SLC4A4: variants seen among roughly 807,000 people sequenced by gnomAD.
SLC4A4 encodes the protein solute carrier family 4 member 4, also known as electrogenic sodium bicarbonate cotransporter 1.
SLC4A4 carries 27 observed loss-of-function variants against 111.5 expected under a neutral mutation model. The ratio of observed to expected loss-of-function variants is 0.24; its 90% CI spans 0.18 to 0.33. The LOEUF (loss-of-function observed/expected upper bound fraction) is 0.33. Ranked by LOEUF, SLC4A4 falls within the 10% of genes least tolerant of loss-of-function variation. The probability of loss-of-function intolerance (pLI) is 1.00; values close to 1 mark genes in which losing one functional copy is unlikely to be tolerated. For synonymous variants in SLC4A4, 443 were observed against 463.4 expected (o/e 0.96, Z 0.57); for missense variants, 909 against 1,315.5 (o/e 0.69, Z 4.78).
At chr4:71,279,135 A>T (rs973428644) in intron 3 of SLC4A4, among the ~76,000 whole-genome samples, 1 of 152,184 alleles carries the variant, frequency 6.6e-6, no homozygotes, top group Non-Finnish European at 1.5e-5. Context: ...ACAATAAATT[A>T]TTATTAACTA....
At chr4:71,220,216 C>T (rs1032969654) in intron 1 of SLC4A4, among the ~76,000 whole-genome samples, 6 of 152,172 alleles carry the variant, frequency 3.9e-5, no homozygotes, top group African/African-American at 1.2e-4. Flanking sequence ...AGACCTTCCA[C>T]TAGCAAAAAA....
chr4:71,485,569 A>T (rs1435518556), intron 14 of SLC4A4, among the ~76,000 whole-genome samples: 1 of 95,350 alleles, frequency 1.0e-5, no homozygotes, highest in Non-Finnish European at 3.2e-5. Flanking sequence ...CAGAATAAGA[A>T]CACAGATAAT....
At chr4:71,471,665 T>C (rs1013901109) in intron 13 of SLC4A4, among the ~76,000 whole-genome samples, 1 of 151,946 alleles carries the variant, frequency 6.6e-6, no homozygotes, top group Admixed American at 6.6e-5. Context: ...TAAAAAATCA[T>C]TGTAAAGCAC....
chr4:71,439,051 C>A (rs57991067), intron 7 of SLC4A4, among the ~76,000 whole-genome samples: 1,636 of 151,768 alleles, frequency 0.011, 34 homozygotes, highest in African/African-American at 0.036. Context: ...CCTCCCCTAG[C>A]TTCCCCATTT....
rs577489706 is a variant in SLC4A4 at position 71,530,842 on chromosome 4, C to T, written c.2167-1220C>T. On this transcript the variant is annotated intron_variant, in intron 16 of 25. Coordinates refer to ENST00000264485, the MANE Select transcript of SLC4A4 (RefSeq NM_001098484.3). ...TCAAGAAATCCTTTGTCTTCAGAGG[C>T]GTGCATCCACTCAGCCCATCACTGA... 3.9e-3 allele frequency among the ~76,000 whole-genome samples: 593 copies of T among 152,212 alleles called. 4 individuals are homozygous for T. Among genetic ancestry groups the T allele is most frequent in the African/African-American group, 0.014 (564 of 41,552 alleles).
intron 4 of SLC4A4, among the ~76,000 whole-genome samples, chr4:71,343,708 AC>A (rs1251057115): frequency 6.6e-6 from 1 of 152,142 alleles, no homozygotes; most frequent in Admixed American, 6.5e-5. Context: ...ATCATTTCTC[AC>A]TGAGATTGCT....
chr4:71,255,919 G>T (rs1721417783), intron 3 of SLC4A4, among the ~76,000 whole-genome samples: 1 of 152,164 alleles, frequency 6.6e-6, no homozygotes. Context: ...TCTGTAGAGT[G>T]ACACAGTTGT....
At chr4:71,397,975 A>G (rs1439744453) in intron 7 of SLC4A4, among the ~76,000 whole-genome samples, 2 of 152,178 alleles carry the variant, frequency 1.3e-5, no homozygotes, top group East Asian at 3.9e-4. Context: ...TTATGAAAAA[A>G]ATACTTTGGT....
At position 71,532,047 on chromosome 4, in the gene SLC4A4, T is replaced by C. The variant is rs549889475; in HGVS notation, c.2167-15T>C. ...TGGTGCTAAATGGTTCCTGGTTTCT[T>C]TTTTATTTTTCCAGGCAAGAAAACT... On this transcript the variant is annotated splice_polypyrimidine_tract_variant and intron_variant, in intron 16 of 25. Coordinates refer to ENST00000264485, the MANE Select transcript of SLC4A4 (RefSeq NM_001098484.3). 2.0e-6 allele frequency: 3 copies of C among 1,537,996 alleles called. No individual in the cohort carries two copies. In the South Asian group the frequency reaches 3.4e-5, roughly 17 times the overall value.
intron 7 of SLC4A4, among the ~76,000 whole-genome samples, chr4:71,417,022 C>T (rs1053398487): frequency 3.9e-5 from 6 of 152,110 alleles, no homozygotes; most frequent in Admixed American, 1.3e-4. Context: ...TCGACTACCA[C>T]GAGATGGAGC....
chr4:71,187,184 C>A (rs1245934656), upstream of SLC4A4: 1 of 152,012 alleles, frequency 6.6e-6, no homozygotes, highest in Non-Finnish European at 1.5e-5. Flanking sequence ...GCGCAGACAA[C>A]TTCCCGCGGC....
chr4:71,100,768 T>C (rs191665012), intron 2 of SLC4A4, among the ~76,000 whole-genome samples: 1 of 152,200 alleles, frequency 6.6e-6, no homozygotes, highest in Non-Finnish European at 1.5e-5. Flanking sequence ...ACAAAATCAA[T>C]GTACAAAAAT....
chr4:71,413,334 T>C (rs759166290), intron 7 of SLC4A4, among the ~76,000 whole-genome samples: 3 of 152,222 alleles, frequency 2.0e-5, no homozygotes, highest in East Asian at 1.9e-4. Flanking sequence ...GCTTATAGTA[T>C]TGAATTCTTA....
At chr4:71,460,520 C>A (rs917709246) in intron 12 of SLC4A4, among the ~76,000 whole-genome samples, 1 of 152,074 alleles carries the variant, frequency 6.6e-6, no homozygotes, top group Admixed American at 6.6e-5. Context: ...TCATTTCCTG[C>A]TGGGCATTGT....
At chr4:71,226,853 GATTA>G (rs1266656462) in intron 1 of SLC4A4, among the ~76,000 whole-genome samples, 3 of 151,986 alleles carry the variant, frequency 2.0e-5, no homozygotes, top group African/African-American at 7.2e-5. Context: ...TGAATCAATT[GATTA>G]ATTGATTCAT....
intron 2 of SLC4A4, among the ~76,000 whole-genome samples, chr4:71,178,481 A>G (rs1217053246): frequency 6.6e-6 from 1 of 152,176 alleles, no homozygotes; most frequent in Non-Finnish European, 1.5e-5. Flanking sequence ...AGAAGAAAAG[A>G]GAGAAGAATC....
intron 2 of SLC4A4, among the ~76,000 whole-genome samples, chr4:71,239,903 A>G (rs1393072888): frequency 6.6e-6 from 1 of 152,128 alleles, no homozygotes; most frequent in East Asian, 1.9e-4. Flanking sequence ...TATTTCAGAT[A>G]TTCATATTTA....
chr4:71,468,856 G>A (rs767508651), intron 13 of SLC4A4, among the ~76,000 whole-genome samples: 6 of 151,862 alleles, frequency 4.0e-5, no homozygotes, highest in Non-Finnish European at 7.4e-5. Flanking sequence ...CTTCAGTTAA[G>A]AACTATTTTA....
chr4:71,265,814 C>T (rs950533783), intron 3 of SLC4A4, among the ~76,000 whole-genome samples: 1 of 152,120 alleles, frequency 6.6e-6, no homozygotes, highest in African/African-American at 2.4e-5. Context: ...AGATGTTCCT[C>T]CTATAAGAAA....
Sources: allele counts gnomAD v4.1 joint callset (sites outside exome capture counted in the v4.1 genomes callset), GRCh38; gene constraint gnomAD v4.1.1; transcripts MANE v1.5; gene names NCBI Gene and HGNC (gene_info 2026-07-23, HGNC 2026-07-21).